Variants in DENND10 observed in about 807,000 individuals in gnomAD.
DENND10 encodes DENN domain-containing protein 10.
DENND10 carries 24 observed loss-of-function variants against 43.6 expected under a neutral mutation model. The observed-to-expected ratio is 0.55, with a 90% CI of 0.40 to 0.77. The LOEUF (loss-of-function observed/expected upper bound fraction) is 0.77, where lower values mean the gene tolerates loss of function less well. Ranked by LOEUF, DENND10 falls within the 30% of genes least tolerant of loss-of-function variation. The pLI, the probability that DENND10 is intolerant of heterozygous loss-of-function variation, is 0.00. For missense variants in DENND10, 303 were observed against 429.9 expected (o/e 0.70, Z 2.61); for synonymous variants, 125 against 157.6 (o/e 0.79, Z 1.55).
At chr10:119,120,527 C>G in intron 5 of DENND10, 75 bp downstream of exon 5, 1 of 924,242 alleles carries the variant, frequency 1.1e-6, no homozygotes, top group Non-Finnish European at 1.8e-6. Context: ...ACTGTGTGCT[C>G]TGCTGTGTTG....
At position 119,136,664 on chromosome 10, in the gene DENND10, A is replaced by G; in HGVS notation, c.*17A>G. On this transcript the variant is annotated 3_prime_UTR_variant, in exon 9 of 9. Transcript: ENST00000361432. ...AAAATCTGACTGTGTGACAGAACGT[A>G]TCACTGATGACTGATAGAAAGCCCT... 7.7e-7 allele frequency: 1 copy of G among 1,304,632 alleles called. No individual in the cohort carries two copies. The highest frequency in any genetic ancestry group is 1.1e-6 in the Non-Finnish European group (1 of 951,192). The allele number at this position is 1,304,632 out of a possible 1,614,324, so 80.8% of individuals were successfully genotyped here. A position where few individuals can be genotyped will look rare whatever the true frequency, so the allele number is the denominator to read the frequency against.
chr10:119,128,375 T>C (rs1326150448), intron 6 of DENND10, among the ~76,000 whole-genome samples: 2 of 151,704 alleles, frequency 1.3e-5, no homozygotes, highest in African/African-American at 4.8e-5. Flanking sequence ...TTTGGAAGGC[T>C]GAGGCAGGCG....
At chr10:119,135,206 T>C (rs1846269441) in intron 8 of DENND10, 1 of 150,832 alleles carries the variant, frequency 6.6e-6, no homozygotes, top group South Asian at 2.1e-4. Context: ...AAAGAAACGA[T>C]ACTGTAAAAA....
At chr10:119,114,575 C>G (rs10787918) in intron 3 of DENND10, 84,596 of 152,040 alleles carry the variant, frequency 0.56, 24,040 homozygotes, top group South Asian at 0.68. Flanking sequence ...GTACAGGCCT[C>G]GATGTGTGGC....
chr10:119,124,572 C>A (rs1845742363), intron 6 of DENND10, among the ~76,000 whole-genome samples: 1 of 151,596 alleles, frequency 6.6e-6, no homozygotes, highest in African/African-American at 2.4e-5. Flanking sequence ...TTTTTTGAGA[C>A]CAGGTCTTCC....
In DENND10 at chr10:119,132,425, T is replaced by C. The variant is rs2133533783; in HGVS notation, c.803-90T>C. On this transcript the variant is annotated intron_variant, in intron 7 of 8. Transcript: ENST00000361432. The surrounding 1 kb of genome is among the most constrained non-coding windows in gnomAD (Gnocchi z 4.2). ...AGGTTATCAGCTGCTTTTTGAAAAT[T>C]CCCTCAGTGTGGTCTTCCAAGTTTT... is the stretch of plus-strand genomic sequence containing the variant. 1 of 1,019,640 alleles carries C rather than the reference T, an allele frequency of 9.8e-7. No individual in the cohort carries two copies. The highest frequency in any genetic ancestry group is 1.8e-5 in the Admixed American group (1 of 54,926). 63.2% of individuals were successfully genotyped at this position (1,019,640 alleles called of 1,614,324 possible).
intron 2 of DENND10, among the ~76,000 whole-genome samples, chr10:119,109,954 A>T (rs1372589013): frequency 6.6e-6 from 1 of 151,958 alleles, no homozygotes; most frequent in Non-Finnish European, 1.5e-5. Flanking sequence ...CTGGGAGCAC[A>T]TGTGTGCACT....
intron 1 of DENND10, chr10:119,105,584 A>G (rs1844654081): frequency 2.1e-6 from 2 of 966,742 alleles, no homozygotes; most frequent in Non-Finnish European, 2.6e-6. Flanking sequence ...GGTACTTTTG[A>G]ACTAAGGCTA....
chr10:119,137,726 A>G lies in DENND10; in HGVS notation c.*1079A>G, dbSNP rs74157633. On this transcript the variant is annotated 3_prime_UTR_variant, in exon 9 of 9. Coordinates refer to ENST00000361432, the MANE Select transcript of DENND10 (RefSeq NM_207009.4). Reference sequence around the variant, plus strand: ...TGCAAAAAACATTATTGGGTCTTTCATCTTTTTCTTGGTATTACATATTTG... The same window carrying G: ...TGCAAAAAACATTATTGGGTCTTTCGTCTTTTTCTTGGTATTACATATTTG... The G allele has an allele frequency of 6.0e-6, 1 of 166,620 alleles. No homozygotes were observed. The highest frequency in any genetic ancestry group is 2.4e-5 in the African/African-American group (1 of 41,248). 10.3% of individuals were successfully genotyped at this position (166,620 alleles called of 1,614,324 possible).
chr10:119,120,604 T>C, intron 5 of DENND10, 152 bp downstream of exon 5: 1 of 622,902 alleles, frequency 1.6e-6, no homozygotes, highest in Non-Finnish European at 2.9e-6. Context: ...TTAGCTCTAG[T>C]AGTTCAAGGT....
At chr10:119,104,917 C>T (rs1323467921) in intron 1 of DENND10, 1 of 152,544 alleles carries the variant, frequency 6.6e-6, no homozygotes, top group African/African-American at 2.4e-5. Flanking sequence ...GCCCCCAACC[C>T]CCACCAGTGG....
chr10:119,111,265 A>C (rs893020453), intron 2 of DENND10, among the ~76,000 whole-genome samples: 36 of 3,992 alleles, frequency 9.0e-3, no homozygotes, highest in Non-Finnish European at 0.021. Flanking sequence ...AAATGTCCCA[A>C]AAAAAAAAAA....
In DENND10 at chr10:119,137,377, A is replaced by C. The variant is rs1042135255; in HGVS notation, c.*730A>C. 4.4e-5 allele frequency: 7 copies of C among 160,304 alleles called. No individual in the cohort carries two copies. Among genetic ancestry groups the C allele is most frequent in the Admixed American group, 2.8e-4 (4 of 14,226 alleles). The allele number at this position is 160,304 out of a possible 1,614,324, so 9.9% of individuals were successfully genotyped here. The stretch of plus-strand genomic sequence containing the variant: ...TCTTTTGAAAAAAGTGCCAGTCCTT[A>C]TGTGATAAACTAAGAAGCCCATTGA... On this transcript the variant is annotated 3_prime_UTR_variant, in exon 9 of 9. Transcript: ENST00000361432.
rs2133501620 is a variant in DENND10 at position 119,123,450 on chromosome 10, T to A, written c.594-19T>A. ...GGTGTGGACCAGCAACAACTTGAGT[T>A]CTTGCCTTGATTCCCCAGGACTCTG... On this transcript the variant is annotated intron_variant, in intron 5 of 8. Coordinates refer to ENST00000361432, the MANE Select transcript of DENND10 (RefSeq NM_207009.4). 1 of 1,599,952 alleles carries A rather than the reference T, an allele frequency of 6.3e-7. No individual in the cohort carries two copies. Among genetic ancestry groups the A allele is most frequent in the East Asian group, 2.2e-5 (1 of 44,802 alleles).
chr10:119,105,642 GA>G, intron 1 of DENND10: 1 of 410,766 alleles, frequency 2.4e-6, no homozygotes, highest in Non-Finnish European at 3.4e-6. Context: ...GATGACATAT[GA>G]TCATATTTTG....
At chr10:119,113,834 C>G (rs1282299410) in intron 3 of DENND10, among the ~76,000 whole-genome samples, 1 of 152,144 alleles carries the variant, frequency 6.6e-6, no homozygotes, top group Non-Finnish European at 1.5e-5. Flanking sequence ...TCATAAGAAC[C>G]AGGTGAATGT....
chr10:119,106,976 G>T (rs1186358870), intron 1 of DENND10, among the ~76,000 whole-genome samples: 1 of 151,950 alleles, frequency 6.6e-6, no homozygotes, highest in East Asian at 1.9e-4. Flanking sequence ...CTTGAATCTG[G>T]GAGATGGAGG....
At chr10:119,119,609 C>G (rs1192826279) in intron 4 of DENND10, among the ~76,000 whole-genome samples, 1 of 150,902 alleles carries the variant, frequency 6.6e-6, no homozygotes, top group Admixed American at 6.6e-5. Flanking sequence ...TAGAGACAGT[C>G]TCCCTGTGTT....
At chr10:119,104,412 G>A (rs1844582909) in intron 1 of DENND10, among the ~76,000 whole-genome samples, 2 of 150,732 alleles carry the variant, frequency 1.3e-5, no homozygotes, top group South Asian at 4.3e-4. Flanking sequence ...GCCCGCGGCC[G>A]CCTGTGGGGC....
Sources: allele counts gnomAD v4.1 joint callset (sites outside exome capture counted in the v4.1 genomes callset), GRCh38; gene constraint gnomAD v4.1.1; non-coding constraint Gnocchi (gnomAD v3.1); transcripts MANE v1.5; gene names NCBI Gene and HGNC (gene_info 2026-07-23, HGNC 2026-07-21).